The following LINGO2 variants were observed in gnomAD, a reference collection of about 807,000 sequenced individuals.
LINGO2 encodes the protein leucine-rich repeat and immunoglobulin-like domain-containing nogo receptor-interacting protein 2.
Under a neutral mutation model 30.6 loss-of-function variants are expected in LINGO2, and 14 were observed. The observed-to-expected ratio is 0.46, with a 90% CI of 0.30 to 0.72. The LOEUF (loss-of-function observed/expected upper bound fraction) is 0.72, where lower values mean the gene tolerates loss of function less well. LINGO2 is among the 30% of genes least tolerant of loss of function. The pLI is 0.07. For synonymous variants in LINGO2, 317 were observed against 288.5 expected, an observed-to-expected ratio of 1.10 and a Z score of -1.00; for missense variants, 729 against 751.7, an observed-to-expected ratio of 0.97 and a Z score of 0.35.
At chr9:28,935,817 A>G in the LINGO2 span, among the ~76,000 whole-genome samples, 1 of 152,078 alleles carries the variant, frequency 6.6e-6, no homozygotes, top group African/African-American at 2.4e-5. Context: ...TGACCTAGTT[A>G]AAAGATACAC....
chr9:29,075,449 A>C, the LINGO2 span, among the ~76,000 whole-genome samples: 2 of 151,984 alleles, frequency 1.3e-5, no homozygotes, highest in Non-Finnish European at 2.9e-5. Flanking sequence ...TAATAGCTTT[A>C]ATTTTTTTAA....
At chr9:28,591,711 G>A (rs1287306448) in intron 1 of LINGO2, among the ~76,000 whole-genome samples, 1 of 152,026 alleles carries the variant, frequency 6.6e-6, no homozygotes, top group Non-Finnish European at 1.5e-5. Flanking sequence ...AGGGACTTGA[G>A]AAAGTAATGC....
At chr9:29,007,224 T>A in the LINGO2 span, among the ~76,000 whole-genome samples, 1 of 152,078 alleles carries the variant, frequency 6.6e-6, no homozygotes, top group East Asian at 1.9e-4. Context: ...TCTTCCCAGG[T>A]CATGTCATAT....
chr9:28,883,638 A>G, the LINGO2 span, among the ~76,000 whole-genome samples: 2,065 of 107,180 alleles, frequency 0.019, 240 homozygotes, highest in African/African-American at 0.055. Flanking sequence ...GTATATATAT[A>G]TATATATATA....
chr9:28,277,456 C>T (rs572554895), intron 4 of LINGO2, among the ~76,000 whole-genome samples: 17 of 152,200 alleles, frequency 1.1e-4, no homozygotes, highest in African/African-American at 4.1e-4. Context: ...CTCTATACTG[C>T]CCTTTAACTG....
At chr9:28,420,764 A>C (rs1443480265) in intron 2 of LINGO2, among the ~76,000 whole-genome samples, 1 of 152,044 alleles carries the variant, frequency 6.6e-6, no homozygotes, top group Admixed American at 6.6e-5. Context: ...TCTGTGTCAA[A>C]CCCATAGGTT....
the LINGO2 span, among the ~76,000 whole-genome samples, chr9:28,792,633 C>T: frequency 6.6e-6 from 1 of 151,994 alleles, no homozygotes; most frequent in Non-Finnish European, 1.5e-5. Context: ...ATGAAAACTT[C>T]ATATAAATAT....
chr9:28,233,256 CTAAT>C, intron 4 of LINGO2, among the ~76,000 whole-genome samples: 1 of 151,398 alleles, frequency 6.6e-6, no homozygotes, highest in Admixed American at 6.6e-5. Flanking sequence ...GACAGATAAA[CTAAT>C]TAACTGAACA....
chr9:28,620,229 C>T (rs946631902), intron 1 of LINGO2, among the ~76,000 whole-genome samples: 2 of 152,030 alleles, frequency 1.3e-5, no homozygotes, highest in South Asian at 2.1e-4. Flanking sequence ...ATGACTAGGA[C>T]TCAAATACCG....
chr9:28,763,951 C>A, the LINGO2 span, among the ~76,000 whole-genome samples: 20 of 151,632 alleles, frequency 1.3e-4, no homozygotes, highest in Admixed American at 6.6e-4. Context: ...AGAAACATAA[C>A]CTGCTGAGAC....
rs546112630 is a variant in LINGO2, at chr9:28,148,940, G to A, written c.-86-136535C>T. 2.0e-5 allele frequency: 30 copies of A among 1,533,862 alleles called. No homozygotes were observed. The highest frequency in any genetic ancestry group is 1.8e-4 in the Admixed American group (9 of 50,976). On this transcript the variant is annotated intron_variant, in intron 4 of 5. Coordinates refer to ENST00000379992, the Ensembl canonical transcript of LINGO2. The surrounding 1 kb of genome is among the most constrained non-coding windows in gnomAD (Gnocchi z 5.1). ...TAGGTCTTCTCCACACAGAGCTGCC[G>A]GCCACAGTTCCCACAAAAGAAAACT...
At chr9:28,834,302 A>C in the LINGO2 span, among the ~76,000 whole-genome samples, 1 of 152,114 alleles carries the variant, frequency 6.6e-6, no homozygotes, top group African/African-American at 2.4e-5. Flanking sequence ...AATACTTAAG[A>C]CATTTAAGTG....
rs78305026 is a variant in LINGO2, at chr9:28,251,302, C to G, written c.-87+43906G>C. 1.4e-4 allele frequency among the ~76,000 whole-genome samples: 21 copies of G among 152,200 alleles called. No individual in the cohort carries two copies. The East Asian group carries it at 4.1e-3, about 30-fold the overall frequency. On this transcript the variant is annotated intron_variant, in intron 4 of 5. Transcript: ENST00000379992. The stretch of plus-strand genomic sequence containing the variant: ...ATCAAAGAAGATAGTTCCCTTATCT[C>G]TCAGCTTCTAGAGAAGGGTAGGAAC...
In LINGO2 at chr9:28,585,108, A is replaced by G. The variant is rs73644080; in HGVS notation, c.-365+85092T>C. Among the ~76,000 whole-genome samples the G allele has an allele frequency of 9.9e-3, 1,514 of 152,164 alleles. 27 individuals carry two copies. The highest frequency in any genetic ancestry group is 0.032 in the African/African-American group (1,342 of 41,558). On this transcript the variant is annotated intron_variant, in intron 1 of 5. Transcript: ENST00000379992. ...AGTATAATCAAGGAAAGAGACACGT[A>G]ATTTAGATACTCATAATTCGTTTCA... is the stretch of plus-strand genomic sequence containing the variant.
the LINGO2 span, among the ~76,000 whole-genome samples, chr9:28,998,624 C>A: frequency 9.9e-5 from 15 of 151,974 alleles, no homozygotes; most frequent in Admixed American, 9.8e-4. Context: ...AGAATCGGTA[C>A]ATCCTAGATA....
exon 6 of LINGO2, chr9:27,950,070 C>T (rs752433012): frequency 1.2e-5 from 19 of 1,613,956 alleles, no homozygotes; most frequent in East Asian, 4.5e-5. Context: ...GATGAGGCTG[C>T]GGAGGTGGGA....
chr9:28,106,943 C>T (rs1826611899), intron 4 of LINGO2, among the ~76,000 whole-genome samples: 1 of 152,178 alleles, frequency 6.6e-6, no homozygotes, highest in Non-Finnish European at 1.5e-5. Context: ...TTACTTACCA[C>T]ACAAGAAAAA....
chr9:28,082,101 G>T (rs531528512), intron 4 of LINGO2, among the ~76,000 whole-genome samples: 2 of 152,018 alleles, frequency 1.3e-5, no homozygotes, highest in African/African-American at 4.8e-5. Flanking sequence ...ACTTTGTTTC[G>T]TTGAGGTCTA....
At chr9:29,178,739 T>C in the LINGO2 span, among the ~76,000 whole-genome samples, 2 of 152,002 alleles carry the variant, frequency 1.3e-5, no homozygotes, top group Non-Finnish European at 2.9e-5. Flanking sequence ...TTCTAAAGGA[T>C]GTGTTGGAAT....
Sources: gnomAD v4.1 joint callset for allele counts (sites outside exome capture counted in the v4.1 genomes callset) on GRCh38, gnomAD v4.1.1 for gene constraint, Gnocchi (gnomAD v3.1) non-coding constraint, MANE v1.5 for transcripts, NCBI Gene and HGNC (gene_info 2026-07-23, HGNC 2026-07-21) for gene names.